Variants in TMEM108 observed in about 807,000 individuals in gnomAD.
The protein encoded by TMEM108 is transmembrane protein 108, also known as cancer/testis antigen 124.
In TMEM108, 12 loss-of-function variants were observed where a neutral mutation model predicts 35.1. The ratio of observed to expected loss-of-function variants is 0.34; its 90% CI spans 0.22 to 0.55. TMEM108 has a LOEUF of 0.55. Ranked by LOEUF, TMEM108 falls within the 20% of genes least tolerant of loss-of-function variation. The pLI, the probability that TMEM108 is intolerant of heterozygous loss-of-function variation, is 0.89. For missense variants in TMEM108, 680 were observed against 753.3 expected, an observed-to-expected ratio of 0.90 and a Z score of 1.14; for synonymous variants, 287 against 308.6, an observed-to-expected ratio of 0.93 and a Z score of 0.73.
At chr3:133,038,462 C>G (rs370944613) in intron 1 of TMEM108, 27 bp downstream of exon 1, 4 of 152,388 alleles carry the variant, frequency 2.6e-5, no homozygotes, top group African/African-American at 7.2e-5. Context: ...GGCGTCCCCC[C>G]AGTCCTTCCC....
intron 2 of TMEM108, among the ~76,000 whole-genome samples, chr3:133,103,636 T>G (rs1238711597): frequency 6.6e-6 from 1 of 152,296 alleles, no homozygotes; most frequent in East Asian, 1.9e-4. Flanking sequence ...TGAGCATAGT[T>G]GTTGGTGTGG....
At chr3:133,309,011 G>A (rs1434752505) in intron 3 of TMEM108, among the ~76,000 whole-genome samples, 2 of 151,940 alleles carry the variant, frequency 1.3e-5, no homozygotes, top group Non-Finnish European at 2.9e-5. Flanking sequence ...TTGGTTGGTG[G>A]GCTATTAATT....
rs145382473 is a variant in TMEM108, at chr3:133,203,736, G to T, written c.-46-25530G>T. 2.6e-4 allele frequency among the ~76,000 whole-genome samples: 39 copies of T among 152,254 alleles called. No individual in the cohort carries two copies. In the East Asian group the frequency reaches 6.8e-3, roughly 26 times the overall value. ...GGATTTTCGCGTTGACCTTCATCAG[G>T]GATATTGGCCTGAAATGTTCTTTTT... On this transcript the variant is annotated intron_variant, in intron 2 of 5. Coordinates refer to ENST00000321871, the MANE Select transcript of TMEM108 (RefSeq NM_023943.4).
intron 2 of TMEM108, among the ~76,000 whole-genome samples, chr3:133,225,190 G>A (rs1398971079): frequency 6.6e-6 from 1 of 151,980 alleles, no homozygotes; most frequent in Non-Finnish European, 1.5e-5. Flanking sequence ...GGGACTACAG[G>A]TGCGTGCCAC....
chr3:133,071,237 G>T (rs1943672242), intron 2 of TMEM108, among the ~76,000 whole-genome samples: 1 of 152,112 alleles, frequency 6.6e-6, no homozygotes. Context: ...AATGGATTTT[G>T]TTATGATTCT....
At chr3:133,067,647 TTAAGG>T (rs774351687) in intron 2 of TMEM108, among the ~76,000 whole-genome samples, 9 of 152,192 alleles carry the variant, frequency 5.9e-5, no homozygotes, top group African/African-American at 1.2e-4. Flanking sequence ...CTGGTATATG[TTAAGG>T]TAAGTACTTT....
At chr3:133,229,740 A>T (rs1189032019) in intron 3 of TMEM108, among the ~76,000 whole-genome samples, 1 of 152,222 alleles carries the variant, frequency 6.6e-6, no homozygotes, top group Non-Finnish European at 1.5e-5. Flanking sequence ...TAGATTCCTC[A>T]TGAAGAGGAA....
chr3:133,239,512 A>G lies in TMEM108; in HGVS notation c.40+10161A>G, dbSNP rs375806449. 3.5e-4 allele frequency among the ~76,000 whole-genome samples: 54 copies of G among 152,280 alleles called. No homozygotes were observed. In the East Asian group the frequency reaches 6.2e-3, roughly 17 times the overall value. ...CTTTGGGCATGGGGCTGGGGCATCC[A>G]GTGATTCTGATGCGCAACCAGGGCT... On this transcript the variant is annotated intron_variant, in intron 3 of 5. Transcript: ENST00000321871.
intron 3 of TMEM108, among the ~76,000 whole-genome samples, chr3:133,303,002 T>A (rs1447394108): frequency 6.6e-6 from 1 of 152,186 alleles, no homozygotes; most frequent in Non-Finnish European, 1.5e-5. Context: ...TGTCTCTTGA[T>A]GGGTTCTTAA....
intron 3 of TMEM108, among the ~76,000 whole-genome samples, chr3:133,305,225 G>A (rs907689035): frequency 3.3e-5 from 5 of 151,728 alleles, no homozygotes; most frequent in Non-Finnish European, 7.4e-5. Flanking sequence ...GGACATGGAT[G>A]AAATTGGAAA....
At chr3:133,111,954 T>C (rs1432020230) in intron 2 of TMEM108, among the ~76,000 whole-genome samples, 1 of 152,192 alleles carries the variant, frequency 6.6e-6, no homozygotes, top group Non-Finnish European at 1.5e-5. Flanking sequence ...CAGGTCTGTA[T>C]TGACACTTTC....
intron 3 of TMEM108, among the ~76,000 whole-genome samples, chr3:133,301,462 C>G (rs1576442090): frequency 6.6e-6 from 1 of 152,136 alleles, no homozygotes; most frequent in Admixed American, 6.5e-5. Context: ...GTGGGCATTG[C>G]TGAAAAGCAT....
chr3:133,300,874 A>G (rs146180878), intron 3 of TMEM108, among the ~76,000 whole-genome samples: 63 of 152,050 alleles, frequency 4.1e-4, no homozygotes, highest in African/African-American at 1.4e-3. Context: ...TCTAGGAATT[A>G]TCTAACCCTG....
chr3:133,278,066 C>CT (rs1202512629), intron 3 of TMEM108, among the ~76,000 whole-genome samples: 1 of 152,204 alleles, frequency 6.6e-6, no homozygotes, highest in Non-Finnish European at 1.5e-5. Flanking sequence ...TTTTGAAAAT[C>CT]TTTTCTTCCA....
At chr3:133,195,852 C>T (rs936476455) in intron 2 of TMEM108, among the ~76,000 whole-genome samples, 1 of 152,176 alleles carries the variant, frequency 6.6e-6, no homozygotes, top group Non-Finnish European at 1.5e-5. Flanking sequence ...CATGACAAAC[C>T]TATACGTGGT....
intron 2 of TMEM108, among the ~76,000 whole-genome samples, chr3:133,214,307 T>C (rs75822698): frequency 0.015 from 2,281 of 152,292 alleles, 75 homozygotes; most frequent in African/African-American, 0.051. Flanking sequence ...TTGGTGTCCA[T>C]GTCCCCACCT....
intron 3 of TMEM108, among the ~76,000 whole-genome samples, chr3:133,289,807 C>T (rs557728448): frequency 2.0e-5 from 3 of 152,226 alleles, no homozygotes; most frequent in East Asian, 1.9e-4. Context: ...AAGGGCCACT[C>T]GAATCAAAAA....
chr3:133,043,922 T>A (rs1365572210), intron 1 of TMEM108, among the ~76,000 whole-genome samples: 1 of 152,186 alleles, frequency 6.6e-6, no homozygotes, highest in African/African-American at 2.4e-5. Flanking sequence ...ACTGGGAGTT[T>A]GTATGTATTG....
intron 2 of TMEM108, among the ~76,000 whole-genome samples, chr3:133,215,804 A>G (rs1945899566): frequency 6.6e-6 from 1 of 152,142 alleles, no homozygotes; most frequent in Non-Finnish European, 1.5e-5. Context: ...ACATTTAAAT[A>G]TCTGATCGAT....
Sources: gnomAD v4.1 joint callset for allele counts (sites outside exome capture counted in the v4.1 genomes callset) on GRCh38, gnomAD v4.1.1 for gene constraint, MANE v1.5 for transcripts, NCBI Gene and HGNC (gene_info 2026-07-23, HGNC 2026-07-21) for gene names.